SPTLC1: variants seen among roughly 807,000 people sequenced by gnomAD.
The protein encoded by SPTLC1 is serine palmitoyltransferase 1.
Under a neutral mutation model 68.9 loss-of-function variants are expected in SPTLC1, and 55 were observed. That is an observed-to-expected ratio of 0.80 (90% CI 0.64 to 1.00). The LOEUF is 1.00. Ranked by LOEUF, SPTLC1 falls within the 50% of genes least tolerant of loss-of-function variation. The pLI is 0.00. For missense variants in SPTLC1, 449 were observed against 573.1 expected, an observed-to-expected ratio of 0.78 and a Z score of 2.21; for synonymous variants, 197 against 201.6, an observed-to-expected ratio of 0.98 and a Z score of 0.19.
chr9:92,109,350 AC>A (rs912089926), intron 2 of SPTLC1: 5 of 163,596 alleles, frequency 3.1e-5, no homozygotes, highest in African/African-American at 1.2e-4. Context: ...AATTAGGAGG[AC>A]ATTGACCCCC....
At chr9:92,076,793 A>C (rs1204013803) in intron 5 of SPTLC1, 1 of 152,154 alleles carries the variant, frequency 6.6e-6, no homozygotes, top group Non-Finnish European at 1.5e-5. Flanking sequence ...TGGAAACTCA[A>C]ATACCTCCTG....
At chr9:92,067,026 G>A (rs10992220) in intron 6 of SPTLC1, among the ~76,000 whole-genome samples, 11,820 of 151,410 alleles carry the variant, frequency 0.078, 821 homozygotes, top group East Asian at 0.27. Flanking sequence ...GGCCAGGTGC[G>A]GTGGCTCACG....
intron 7 of SPTLC1, among the ~76,000 whole-genome samples, chr9:92,057,565 T>G (rs1833939586): frequency 6.6e-6 from 1 of 152,252 alleles, no homozygotes; most frequent in African/African-American, 2.4e-5. Context: ...TAATTATTAG[T>G]GAGGCCAGGC....
chr9:92,059,205 T>C lies in SPTLC1; in HGVS notation c.664A>G (p.Lys222Glu). The change falls in exon 7 of 15, where the codon AAA becomes GAA. Residue 222 changes from lysine to glutamate, a missense_variant. Lys to Glu is a moderately conservative substitution (Grantham distance 56, BLOSUM62 1). Around this residue, in one of 3 missense-constraint regions of SPTLC1, gnomAD observed 391 missense variants for 472.1 expected, o/e 0.83. Coordinates refer to ENST00000262554, the MANE Select transcript of SPTLC1 (RefSeq NM_006415.4). Reference sequence around the variant, plus strand: ...TTTTGATCTTCGATCTCTTGTTCTTTTAGTAGTCGCTCGAGGTCAGCCATG... The same window carrying C: ...TTTTGATCTTCGATCTCTTGTTCTTCTAGTAGTCGCTCGAGGTCAGCCATG... Reference protein sequence around the residue: ...NDMADLERLLKEQEIEDQKNP... With the variant: ...NDMADLERLLEEQEIEDQKNP... The C allele has an allele frequency of 6.2e-7, 1 of 1,613,982 alleles. No individual in the cohort carries two copies. The highest frequency in any genetic ancestry group is 1.1e-5 in the South Asian group (1 of 91,050).
At chr9:92,101,739 A>AG (rs1356583267) in intron 3 of SPTLC1, among the ~76,000 whole-genome samples, 1 of 149,256 alleles carries the variant, frequency 6.7e-6, no homozygotes. Context: ...ACCCAGACTG[A>AG]GGGAAAAAAG....
chr9:92,088,186 C>T (rs899357077), intron 3 of SPTLC1, among the ~76,000 whole-genome samples: 1 of 152,340 alleles, frequency 6.6e-6, no homozygotes, highest in Admixed American at 6.5e-5. Context: ...ACTCCCTGAC[C>T]CCTTGCGCTT....
chr9:92,067,486 A>G (rs549912983), intron 6 of SPTLC1, among the ~76,000 whole-genome samples: 2 of 152,344 alleles, frequency 1.3e-5, no homozygotes, highest in Middle Eastern at 3.4e-3. Flanking sequence ...CCTCGGTAGC[A>G]TGCATTCAGC....
At chr9:92,109,029 A>T (rs1423005291) in intron 2 of SPTLC1, 195 bp from the exon 3 acceptor site, 1 of 730,404 alleles carries the variant, frequency 1.4e-6, no homozygotes, top group African/African-American at 1.8e-5. Context: ...CACCAGACAC[A>T]TGCCTACCAT....
chr9:92,088,328 G>A (rs1489680403), intron 3 of SPTLC1, among the ~76,000 whole-genome samples: 1 of 152,202 alleles, frequency 6.6e-6, no homozygotes, highest in South Asian at 2.1e-4. Flanking sequence ...GAAATCACCC[G>A]TCTTCTGCGT....
chr9:92,078,345 A>G (rs1005086322), intron 5 of SPTLC1, among the ~76,000 whole-genome samples: 3 of 152,208 alleles, frequency 2.0e-5, no homozygotes, highest in African/African-American at 7.2e-5. Context: ...CTACCAATCA[A>G]AAACCAAGCA....
chr9:92,062,498 A>G (rs760494040), intron 6 of SPTLC1, among the ~76,000 whole-genome samples: 1 of 152,176 alleles, frequency 6.6e-6, no homozygotes, highest in Non-Finnish European at 1.5e-5. Context: ...ATCAACCAAA[A>G]AGACTTGACA....
At chr9:92,087,674 A>T in intron 3 of SPTLC1, among the ~76,000 whole-genome samples, 1 of 152,206 alleles carries the variant, frequency 6.6e-6, no homozygotes, top group East Asian at 1.9e-4. Flanking sequence ...CCTCCCAGTT[A>T]GGCTGCTCAG....
chr9:92,037,333 A>C lies in SPTLC1; in HGVS notation c.1254+915T>G, dbSNP rs77822321. Among the ~76,000 whole-genome samples the C allele has an allele frequency of 4.6e-3, 701 of 152,352 alleles. 14 individuals are homozygous for C. Among genetic ancestry groups the C allele is most frequent in the Admixed American group, 0.03 (459 of 15,292 alleles). Reference sequence around the variant, plus strand: ...CATTGCTCATAGCTACAGCCTCTGGACAAGGAAGCAGAATCATGCCCATTT... The same window carrying C: ...CATTGCTCATAGCTACAGCCTCTGGCCAAGGAAGCAGAATCATGCCCATTT... On this transcript the variant is annotated intron_variant, in intron 13 of 14. Coordinates refer to ENST00000262554, the MANE Select transcript of SPTLC1 (RefSeq NM_006415.4).
chr9:92,068,141 T>C (rs1316788104), intron 5 of SPTLC1, 43 bp from the exon 6 acceptor site: 15 of 1,583,832 alleles, frequency 9.5e-6, no homozygotes, highest in Non-Finnish European at 1.2e-5. Flanking sequence ...TGCCTTATAA[T>C]TCTTTTTCTC....
chr9:92,097,832 C>G (rs1835586192), intron 3 of SPTLC1, among the ~76,000 whole-genome samples: 1 of 151,964 alleles, frequency 6.6e-6, no homozygotes, highest in African/African-American at 2.4e-5. Flanking sequence ...GATTACGTAT[C>G]AATACAGCTG....
chr9:92,036,496 C>A (rs938165639), intron 13 of SPTLC1, among the ~76,000 whole-genome samples: 1 of 152,140 alleles, frequency 6.6e-6, no homozygotes, highest in African/African-American at 2.4e-5. Flanking sequence ...GGCAACTGTC[C>A]CTCAACATGA....
intron 5 of SPTLC1, 51 bp downstream of exon 5, chr9:92,079,965 A>G (rs1564103752): frequency 6.7e-7 from 1 of 1,494,138 alleles, no homozygotes; most frequent in Admixed American, 1.7e-5. Flanking sequence ...CTAAAATTGA[A>G]TCTTAACTAT....
chr9:92,066,985 T>A (rs1341081589), intron 6 of SPTLC1, among the ~76,000 whole-genome samples: 1 of 149,232 alleles, frequency 6.7e-6, no homozygotes, highest in Non-Finnish European at 1.5e-5. Flanking sequence ...CATCTCAAAA[T>A]AAAAAAAATT....
rs1833410582 is a variant in SPTLC1 at position 92,043,237 on chromosome 9, T to C, written c.1136+2762A>G. 2.6e-5 allele frequency among the ~76,000 whole-genome samples: 4 copies of C among 152,166 alleles called. No individual in the cohort carries two copies. The South Asian group carries it at 8.3e-4, about 32-fold the overall frequency. ...CAGGCTGACCTCCTACATAAGCAAT[T>C]TCTTCCCTGGTTTCCAGGACTCTAG... On this transcript the variant is annotated intron_variant, in intron 12 of 14. Transcript: ENST00000262554.
Sources: allele counts gnomAD v4.1 joint callset (sites outside exome capture counted in the v4.1 genomes callset), GRCh38; gene constraint gnomAD v4.1.1; regional missense constraint gnomAD v4.1.1; transcripts MANE v1.5; gene names NCBI Gene and HGNC (gene_info 2026-07-23, HGNC 2026-07-21).